CATSPERB: variants seen among roughly 807,000 people sequenced by gnomAD.
CATSPERB encodes the protein catsper channel auxiliary subunit beta.
CATSPERB carries 93 observed loss-of-function variants against 128.3 expected under a neutral mutation model. That is an observed-to-expected ratio of 0.72 (90% CI 0.61 to 0.86). The LOEUF is 0.86. Ranked by LOEUF, CATSPERB falls within the 40% of genes least tolerant of loss-of-function variation. The pLI, the probability that CATSPERB is intolerant of heterozygous loss-of-function variation, is 0.00. For missense variants in CATSPERB, 1,153 were observed against 1,329.5 expected, an observed-to-expected ratio of 0.87 and a Z score of 2.06; for synonymous variants, 381 against 448.8, an observed-to-expected ratio of 0.85 and a Z score of 1.91.
chr14:91,691,004 T>C (rs765600660), intron 10 of CATSPERB, among the ~76,000 whole-genome samples: 1 of 152,172 alleles, frequency 6.6e-6, no homozygotes, highest in Non-Finnish European at 1.5e-5. Flanking sequence ...CTTTTTAACA[T>C]ATAAGGGAGA....
intron 6 of CATSPERB, 146 bp downstream of exon 6, chr14:91,707,995 A>C (rs1487104127): frequency 4.7e-6 from 3 of 632,722 alleles, no homozygotes; most frequent in African/African-American, 1.9e-5. Flanking sequence ...TCAGATTGTG[A>C]GTGCCTCAAG....
At chr14:91,638,681 C>T (rs1849333183) in intron 16 of CATSPERB, among the ~76,000 whole-genome samples, 1 of 152,160 alleles carries the variant, frequency 6.6e-6, no homozygotes, top group Admixed American at 6.5e-5. Flanking sequence ...CTCAGCCTCC[C>T]ACAATGCTAG....
At chr14:91,702,698 A>ACACACC (rs1555364569) in intron 7 of CATSPERB, among the ~76,000 whole-genome samples, 329 of 151,698 alleles carry the variant, frequency 2.2e-3, no homozygotes, top group African/African-American at 7.8e-3. Flanking sequence ...ACACACACAC[A>ACACACC]CACACACAAA....
intron 16 of CATSPERB, among the ~76,000 whole-genome samples, chr14:91,637,493 C>A (rs977695214): frequency 6.6e-6 from 1 of 152,100 alleles, no homozygotes; most frequent in African/African-American, 2.4e-5. Flanking sequence ...GCAAGTGTAT[C>A]CTAGGGAAAG....
chr14:91,667,765 G>A (rs371472339), intron 14 of CATSPERB, among the ~76,000 whole-genome samples: 16 of 151,862 alleles, frequency 1.1e-4, no homozygotes, highest in Admixed American at 2.6e-4. Context: ...GCTACCTGGC[G>A]TTTACAGGAA....
chr14:91,672,278 TTTGTTTGCTTGC>T (rs1895110617), intron 13 of CATSPERB, among the ~76,000 whole-genome samples: 1 of 152,222 alleles, frequency 6.6e-6, no homozygotes, highest in East Asian at 1.9e-4. Context: ...TGTTTGTTTT[TTTGTTTGCTTGC>T]TTGTTTGTTT....
intron 19 of CATSPERB, among the ~76,000 whole-genome samples, chr14:91,618,907 C>G (rs1893992781): frequency 6.6e-6 from 1 of 152,208 alleles, no homozygotes; most frequent in Non-Finnish European, 1.5e-5. Context: ...TGAGATTCTG[C>G]ATTTCTAACA....
intron 7 of CATSPERB, among the ~76,000 whole-genome samples, chr14:91,701,027 T>C (rs1034633022): frequency 6.6e-5 from 10 of 152,068 alleles, no homozygotes; most frequent in African/African-American, 2.4e-4. Context: ...AGGAGTAAGA[T>C]AGGGGAAAGA....
intron 2 of CATSPERB, among the ~76,000 whole-genome samples, chr14:91,728,252 C>A (rs897194437): frequency 2.6e-5 from 4 of 152,084 alleles, no homozygotes; most frequent in Non-Finnish European, 5.9e-5. Flanking sequence ...GTAGCTGGGA[C>A]TGCAGGTGAG....
At chr14:91,581,205 C>T in intron 26 of CATSPERB, 98 bp from the exon 27 acceptor site, 4 of 951,394 alleles carry the variant, frequency 4.2e-6, no homozygotes, top group Non-Finnish European at 6.4e-6. Flanking sequence ...GAGCAAAACG[C>T]TGCCCAGAGT....
intron 15 of CATSPERB, among the ~76,000 whole-genome samples, chr14:91,653,894 T>C (rs1210809332): frequency 6.6e-6 from 1 of 152,206 alleles, no homozygotes; most frequent in Non-Finnish European, 1.5e-5. Context: ...CAAGGCACTT[T>C]ACTGAGTTGA....
intron 5 of CATSPERB, among the ~76,000 whole-genome samples, chr14:91,713,637 T>C (rs1895881095): frequency 1.3e-5 from 2 of 152,128 alleles, no homozygotes; most frequent in Non-Finnish European, 2.9e-5. Context: ...AACAGAAAAC[T>C]TGAATATTCC....
In CATSPERB at chr14:91,580,924, T is replaced by A. The variant is rs1566690893; in HGVS notation, c.3316A>T (p.Ser1106Cys). The change falls in exon 27 of 27, where the codon AGT (serine) becomes TGT (cysteine). Residue 1106 changes from serine (S) to cysteine (C), a missense_variant. Coordinates refer to ENST00000256343, the MANE Select transcript of CATSPERB (RefSeq NM_024764.4). ...NQEKFSSISL[S>C]ELIHRSKSEE is the part of the protein sequence containing the mutation. ...GACTTTGATCTATGAATCAGCTCAC[T>A]GAGAGAGATACTTGAAAACTTCTCT... 1 of 1,614,090 alleles carries A rather than the reference T, an allele frequency of 6.2e-7. No homozygotes were observed. The highest frequency in any genetic ancestry group is 8.5e-7 in the Non-Finnish European group (1 of 1,180,022).
intron 22 of CATSPERB, among the ~76,000 whole-genome samples, chr14:91,594,706 T>A (rs61991987): frequency 0.13 from 19,365 of 152,072 alleles, 1,354 homozygotes; most frequent in Non-Finnish European, 0.17. Context: ...TGAAACCTCA[T>A]GTCTTGTGAA....
intron 18 of CATSPERB, among the ~76,000 whole-genome samples, chr14:91,622,759 T>A (rs2139788901): frequency 6.6e-6 from 1 of 152,314 alleles, no homozygotes; most frequent in Non-Finnish European, 1.5e-5. Flanking sequence ...TCTTTCCCTT[T>A]ATAGTAAAAC....
At position 91,580,791 on chromosome 14, in the gene CATSPERB, G is replaced by A; in HGVS notation, c.*98C>T. On this transcript the variant is annotated 3_prime_UTR_variant, in exon 27 of 27. Transcript: ENST00000256343. The stretch of plus-strand genomic sequence containing the variant: ...TTTGAATTATAATGACAATTCTTTA[G>A]GATTTTATGTAGCTTGCATATTTAA... The A allele has an allele frequency of 1.1e-6, 1 of 894,156 alleles. No individual in the cohort carries two copies. Among genetic ancestry groups the A allele is most frequent in the Non-Finnish European group, 1.7e-6 (1 of 582,720 alleles). The allele number at this position is 894,156 out of a possible 1,614,324, so 55.4% of individuals were successfully genotyped here.
At chr14:91,673,075 T>G (rs910897482) in intron 12 of CATSPERB, 59 bp from the exon 13 acceptor site, 144 of 1,384,808 alleles carry the variant, frequency 1.0e-4, no homozygotes, top group Non-Finnish European at 1.4e-4. Context: ...TCTAATTCTC[T>G]TAGTGAAACT....
At position 91,629,537 on chromosome 14, in the gene CATSPERB, T is replaced by A. The variant is rs77602325; in HGVS notation, c.1743-4530A>T. On this transcript the variant is annotated intron_variant, in intron 17 of 26. Coordinates refer to ENST00000256343, the MANE Select transcript of CATSPERB (RefSeq NM_024764.4). ...TACGTACGCTGGGTGATAAATGATGTGTCAATGTAGGTTCATGAGCTGTAA... is the reference window on the plus strand; with the variant it reads ...TACGTACGCTGGGTGATAAATGATGAGTCAATGTAGGTTCATGAGCTGTAA... Among the ~76,000 whole-genome samples the A allele has an allele frequency of 2.0e-5, 3 of 152,168 alleles. No homozygotes were observed. The East Asian group carries it at 5.8e-4, about 29-fold the overall frequency.
At chr14:91,647,217 G>A (rs1390566934) in intron 15 of CATSPERB, among the ~76,000 whole-genome samples, 2 of 152,116 alleles carry the variant, frequency 1.3e-5, no homozygotes, top group African/African-American at 4.8e-5. Flanking sequence ...AGACGACTTT[G>A]TTGTATTCCT....
Sources: allele counts gnomAD v4.1 joint callset (sites outside exome capture counted in the v4.1 genomes callset), GRCh38; gene constraint gnomAD v4.1.1; transcripts MANE v1.5; gene names NCBI Gene and HGNC (gene_info 2026-07-23, HGNC 2026-07-21).